The following TENT2 variants were observed in gnomAD, a reference collection of about 807,000 sequenced individuals.
TENT2 encodes the protein poly(A) RNA polymerase GLD2.
A neutral mutation model predicts 72.2 loss-of-function variants in TENT2; 44 were observed. The ratio of observed to expected loss-of-function variants is 0.61; its 90% CI spans 0.48 to 0.78. The LOEUF is 0.78. Among genes scored for constraint, TENT2 ranks in the 30% least tolerant of loss-of-function variants. The pLI is 0.00. For synonymous variants in TENT2, 212 were observed against 192.5 expected (o/e 1.10, Z -0.84); for missense variants, 541 against 569.6 (o/e 0.95, Z 0.51).
In TENT2 at chr5:79,660,730, T is replaced by C. The variant is rs1411213720; in HGVS notation, c.1071+3729T>C. On this transcript the variant is annotated intron_variant, in intron 11 of 14. Transcript: ENST00000453514. ...ACTTGGTTTTTGCTGTACTATACTT[T>C]TTATCATTATTTGTGAGTGTACTCT... Among the ~76,000 whole-genome samples the C allele has an allele frequency of 1.3e-5, 2 of 152,202 alleles. 1 individual carries two copies. The highest frequency in any genetic ancestry group is 2.9e-5 in the Non-Finnish European group (2 of 68,036).
chr5:79,646,342 A>G (rs1789001570), intron 8 of TENT2, among the ~76,000 whole-genome samples: 1 of 152,154 alleles, frequency 6.6e-6, no homozygotes, highest in Admixed American at 6.6e-5. Flanking sequence ...CACAACATAA[A>G]ACTTGGTTAT....
chr5:79,659,604 GTTTA>G (rs1477454786), intron 11 of TENT2, among the ~76,000 whole-genome samples: 2 of 90,012 alleles, frequency 2.2e-5, no homozygotes, highest in East Asian at 4.1e-4. Flanking sequence ...AATAGCCATC[GTTTA>G]TTTAGTATCC....
At chr5:79,681,095 GTTTTC>G (rs1397381634) in intron 13 of TENT2, among the ~76,000 whole-genome samples, 4 of 101,084 alleles carry the variant, frequency 4.0e-5, no homozygotes, top group Non-Finnish European at 8.6e-5. Context: ...CTCTTTTTCT[GTTTTC>G]TTTTTCTGCC....
At chr5:79,630,926 C>G (rs1053517610) in intron 4 of TENT2, among the ~76,000 whole-genome samples, 7 of 150,368 alleles carry the variant, frequency 4.7e-5, no homozygotes, top group Non-Finnish European at 8.8e-5. Flanking sequence ...GGAAGTTGTA[C>G]TGTAGTATTT....
intron 11 of TENT2, among the ~76,000 whole-genome samples, chr5:79,668,442 C>T (rs1053188531): frequency 2.0e-5 from 3 of 152,038 alleles, no homozygotes; most frequent in Admixed American, 6.6e-5. Flanking sequence ...GTTACTCTTA[C>T]GGCCTTTGGG....
intron 6 of TENT2, among the ~76,000 whole-genome samples, chr5:79,641,938 G>A (rs1413848619): frequency 6.6e-6 from 1 of 151,762 alleles, no homozygotes; most frequent in African/African-American, 2.4e-5. Context: ...TTGGATTTCA[G>A]GTTTTTGGAT....
chr5:79,647,671 A>C (rs898321691), intron 8 of TENT2, among the ~76,000 whole-genome samples: 1 of 152,204 alleles, frequency 6.6e-6, no homozygotes, highest in Non-Finnish European at 1.5e-5. Context: ...TAATATAGAA[A>C]TATTTTGTTT....
intron 9 of TENT2, 117 bp downstream of exon 9, chr5:79,648,810 TTATTTGTA>T: frequency 1.2e-6 from 1 of 853,298 alleles, no homozygotes; most frequent in Non-Finnish European, 1.8e-6. Context: ...GTATCTTATT[TTATTTGTA>T]TATGTTGCTA....
At chr5:79,633,050 C>A (rs1776814303) in intron 4 of TENT2, among the ~76,000 whole-genome samples, 1 of 152,158 alleles carries the variant, frequency 6.6e-6, no homozygotes, top group African/African-American at 2.4e-5. Context: ...TAATTTAACA[C>A]ACAAGAAGTG....
At chr5:79,681,070 C>T (rs1456187502) in intron 13 of TENT2, among the ~76,000 whole-genome samples, 3 of 146,908 alleles carry the variant, frequency 2.0e-5, no homozygotes, top group Non-Finnish European at 4.5e-5. Context: ...TTTTTCCTGT[C>T]TTCTGTTTGC....
intron 4 of TENT2, among the ~76,000 whole-genome samples, chr5:79,626,743 T>G (rs560391480): frequency 1.3e-5 from 2 of 151,800 alleles, no homozygotes; most frequent in African/African-American, 4.8e-5. Flanking sequence ...ATTACAGGTA[T>G]GAGCCACTGC....
intron 1 of TENT2, among the ~76,000 whole-genome samples, chr5:79,614,392 TG>T (rs1757871661): frequency 6.6e-6 from 1 of 152,210 alleles, no homozygotes; most frequent in Admixed American, 6.5e-5. Context: ...CGTGAGCCAC[TG>T]TGCCCGGCCG....
intron 2 of TENT2, 94 bp downstream of exon 2, chr5:79,619,879 A>G: frequency 1.3e-6 from 2 of 1,497,720 alleles, no homozygotes; most frequent in South Asian, 1.3e-5. Context: ...AACATGGAGA[A>G]TATGTCGTCA....
rs1201601007 is a variant in TENT2, at chr5:79,668,914, A to G, written c.1094A>G (p.Gln365Arg). The G allele has an allele frequency of 1.9e-6, 3 of 1,613,436 alleles. No individual in the cohort carries two copies. The highest frequency in any genetic ancestry group is 2.7e-5 in the African/African-American group (2 of 74,894). ...IYPESFSPAI[Q>R]LHLVHQAPCN... Reference sequence around the variant, plus strand: ...CAGGAGTCTTTTAGTCCTGCTATACAGCTGCACCTTGTACATCAAGCTCCA... The same window carrying G: ...CAGGAGTCTTTTAGTCCTGCTATACGGCTGCACCTTGTACATCAAGCTCCA... The change falls in exon 12 of 15, where the codon CAG (glutamine) becomes CGG (arginine). Residue 365 changes from glutamine to arginine, a missense_variant. Coordinates refer to ENST00000453514, the MANE Select transcript of TENT2 (RefSeq NM_001114394.3).
intron 7 of TENT2, among the ~76,000 whole-genome samples, chr5:79,643,325 TA>T (rs964623209): frequency 6.6e-6 from 1 of 152,206 alleles, no homozygotes; most frequent in African/African-American, 2.4e-5. Context: ...TTACTTGTTT[TA>T]AAAATATCAT....
chr5:79,677,709 T>C lies in TENT2; in HGVS notation c.1209-1870T>C, dbSNP rs80280034. On this transcript the variant is annotated intron_variant, in intron 12 of 14. Transcript: ENST00000453514. ...AACTGTAGTATGTAACCTTGTTTGCTTCAGGTTTGTGGCTATATAACTCCC... is the reference window on the plus strand; with the variant it reads ...AACTGTAGTATGTAACCTTGTTTGCCTCAGGTTTGTGGCTATATAACTCCC... Among the ~76,000 whole-genome samples, 1,154 of 152,336 alleles carry C rather than the reference T, an allele frequency of 7.6e-3. 41 individuals carry two copies. In the East Asian group the frequency reaches 0.12, roughly 15 times the overall value.
chr5:79,654,703 G>A (rs1796665283), intron 10 of TENT2, among the ~76,000 whole-genome samples: 1 of 152,046 alleles, frequency 6.6e-6, no homozygotes, highest in South Asian at 2.1e-4. Context: ...GGTGGAGGCT[G>A]CAGTGAGCCC....
At chr5:79,683,841 G>A (rs1399182388) in intron 14 of TENT2, among the ~76,000 whole-genome samples, 6 of 143,146 alleles carry the variant, frequency 4.2e-5, no homozygotes, top group African/African-American at 7.7e-5. Context: ...GGAGAATGGC[G>A]TGAACCCGGG....
intron 11 of TENT2, among the ~76,000 whole-genome samples, chr5:79,664,525 G>A (rs910235258): frequency 6.6e-6 from 1 of 151,690 alleles, no homozygotes; most frequent in African/African-American, 2.4e-5. Flanking sequence ...AACCCAGGAG[G>A]CGGAGGTTGC....
Sources: gnomAD v4.1 joint callset for allele counts (sites outside exome capture counted in the v4.1 genomes callset) on GRCh38, gnomAD v4.1.1 for gene constraint, MANE v1.5 for transcripts, NCBI Gene and HGNC (gene_info 2026-07-23, HGNC 2026-07-21) for gene names.